Variants in PCSK5 observed in about 807,000 individuals in gnomAD.
The protein encoded by PCSK5 is prohormone convertase 5.
In PCSK5, 129 loss-of-function variants were observed where a neutral mutation model predicts 233.2. The ratio of observed to expected loss-of-function variants is 0.55; its 90% confidence interval spans 0.48 to 0.64. The LOEUF (loss-of-function observed/expected upper bound fraction) is 0.64, where lower values mean the gene tolerates loss of function less well. Ranked by LOEUF, PCSK5 falls within the 30% of genes least tolerant of loss-of-function variation. The probability of loss-of-function intolerance (pLI) is 0.00; values close to 1 mark genes in which losing one functional copy is unlikely to be tolerated. For missense variants in PCSK5, 2,076 were observed against 2,430.1 expected, an observed-to-expected ratio of 0.85 and a Z score of 3.06; for synonymous variants, 825 against 879.2, an observed-to-expected ratio of 0.94 and a Z score of 1.09.
intron 2 of PCSK5, among the ~76,000 whole-genome samples, chr9:75,980,911 A>G (rs1826248631): frequency 1.2e-5 from 1 of 85,594 alleles, no homozygotes; most frequent in Non-Finnish European, 2.7e-5. Flanking sequence ...TGTTATGTCC[A>G]TTACCACCTA....
chr9:76,096,081 G>A lies in PCSK5; in HGVS notation c.1086G>A (p.Gly362=), dbSNP rs900112144. The A allele has an allele frequency of 1.2e-6, 2 of 1,613,498 alleles. No homozygotes were observed. Among genetic ancestry groups the A allele is most frequent in the Admixed American group, 3.3e-5 (2 of 59,962 alleles). Residue 362 remains glycine (G), a synonymous_variant, in exon 8 of 38, where the codon GGG becomes GGA. Coordinates refer to ENST00000674117, the MANE Select transcript of PCSK5 (RefSeq NM_001372043.1). ...CGCTGGCCACAACCTACAGCAGCGG[G>A]GAGTCCTACGATAAGAAAATCGTAC... The part of the protein sequence containing the change: ...SSTLATTYSS[G]ESYDKKIITT...
chr9:76,059,824 A>C (rs959091341), intron 5 of PCSK5, among the ~76,000 whole-genome samples: 2 of 152,178 alleles, frequency 1.3e-5, no homozygotes, highest in Non-Finnish European at 2.9e-5. Flanking sequence ...GGATAAAAAA[A>C]CGTCAAATAG....
Position 76,294,250 on chromosome 9 carries a change from T to C in PCSK5, c.3186-1025T>C, listed in dbSNP as rs181659011. On this transcript the variant is annotated intron_variant, in intron 25 of 37. Transcript: ENST00000674117. The stretch of plus-strand genomic sequence containing the variant: ...AGATATGCAAAGGTTTCCCCTGATA[T>C]CATGCTGATGCTCTGAAATTCATCA... Among the ~76,000 whole-genome samples the C allele has an allele frequency of 6.3e-4, 96 of 151,312 alleles. 3 individuals carry two copies. In the East Asian group the frequency reaches 0.017, roughly 26 times the overall value.
chr9:76,243,295 A>T (rs543065156), intron 24 of PCSK5, among the ~76,000 whole-genome samples: 1 of 152,322 alleles, frequency 6.6e-6, no homozygotes, highest in East Asian at 1.9e-4. Context: ...GAGAATTTCA[A>T]AGGTGATATG....
At chr9:76,133,298 A>G (rs1246230661) in intron 9 of PCSK5, among the ~76,000 whole-genome samples, 2 of 152,066 alleles carry the variant, frequency 1.3e-5, no homozygotes, top group East Asian at 1.9e-4. Context: ...CGCTGAGTCA[A>G]ATGGCTTCGA....
Position 76,184,749 on chromosome 9 carries a change from T to C in PCSK5, c.2274T>C (p.Asp758=). The C allele has an allele frequency of 6.3e-7, 1 of 1,596,696 alleles. No individual in the cohort carries two copies. Among genetic ancestry groups the C allele is most frequent in the Non-Finnish European group, 8.6e-7 (1 of 1,165,076 alleles). The change falls in exon 17 of 38, where the codon GAT becomes GAC. Residue 758 remains aspartate (D), a synonymous_variant. Transcript: ENST00000674117. ...TEFHNCTECR[D]GLSLQGSRCS... is the part of the protein sequence containing the mutation. ...TCCATAACTGTACAGAATGTAGGGA[T>C]GGGTTAAGGTAAGAGAGTGAAGGAT...
intron 3 of PCSK5, among the ~76,000 whole-genome samples, 176 bp from the exon 4 acceptor site, chr9:76,023,562 G>A (rs773711718): frequency 6.6e-6 from 1 of 151,900 alleles, no homozygotes; most frequent in Non-Finnish European, 1.5e-5. Context: ...CTACTCAGGA[G>A]GCTGAGGGAG....
At position 76,173,490 on chromosome 9, in the gene PCSK5, C is replaced by T. The variant is rs549016313; in HGVS notation, c.1757-1496C>T. On this transcript the variant is annotated intron_variant, in intron 13 of 37. Transcript: ENST00000674117. ...TACTAACTTTAATGAAATGGAGGCA[C>T]GTTTCCTTTTTTTTTTTTTTTTTTT... Among the ~76,000 whole-genome samples the T allele has an allele frequency of 1.4e-3, 75 of 52,498 alleles. 1 individual carries two copies. The highest frequency in any genetic ancestry group is 3.5e-4 in the Non-Finnish European group (9 of 25,428). The allele number at this position is 52,498 out of a possible 152,430, so 34.4% of individuals were successfully genotyped here. A position where few individuals can be genotyped will look rare whatever the true frequency, so the allele number is the denominator to read the frequency against.
intron 30 of PCSK5, among the ~76,000 whole-genome samples, chr9:76,314,931 C>T (rs1313179860): frequency 3.4e-5 from 5 of 146,734 alleles, no homozygotes; most frequent in East Asian, 2.1e-4. Flanking sequence ...TGAGCCGCCA[C>T]GCTAGGCCAA....
chr9:76,051,105 T>C (rs1015634015), intron 5 of PCSK5, among the ~76,000 whole-genome samples: 6 of 152,216 alleles, frequency 3.9e-5, no homozygotes, highest in African/African-American at 1.4e-4. Context: ...TAAGACTTCA[T>C]CATTTATCTG....
intron 20 of PCSK5, among the ~76,000 whole-genome samples, chr9:76,203,807 A>C (rs1272819122): frequency 6.6e-6 from 1 of 152,180 alleles, no homozygotes; most frequent in Non-Finnish European, 1.5e-5. Context: ...CTTTTGCCAG[A>C]TCCCAAGTTG....
intron 10 of PCSK5, among the ~76,000 whole-genome samples, chr9:76,153,258 C>A (rs915818621): frequency 6.6e-6 from 1 of 152,220 alleles, no homozygotes; most frequent in Non-Finnish European, 1.5e-5. Flanking sequence ...ACTCCAGTAA[C>A]TCTGCTTCAA....
intron 30 of PCSK5, among the ~76,000 whole-genome samples, chr9:76,311,197 C>T (rs935332485): frequency 2.0e-5 from 3 of 151,926 alleles, no homozygotes; most frequent in Admixed American, 6.6e-5. Flanking sequence ...AGCAAGACTC[C>T]GTCTACAAAA....
intron 24 of PCSK5, among the ~76,000 whole-genome samples, chr9:76,248,378 C>T (rs765848048): frequency 2.9e-4 from 44 of 151,724 alleles, no homozygotes; most frequent in Non-Finnish European, 5.0e-4. Context: ...ATAATTCCAA[C>T]TCAATTAATA....
intron 12 of PCSK5, 122 bp from the exon 13 acceptor site, chr9:76,169,582 G>C: frequency 1.4e-6 from 1 of 731,878 alleles, no homozygotes; most frequent in Non-Finnish European, 2.3e-6. Context: ...CCAGGATGCA[G>C]ACCAGCTCTA....
Position 76,169,834 on chromosome 9 carries a change from A to T in PCSK5, c.1750A>T (p.Thr584Ser). 1 of 1,613,006 alleles carries T rather than the reference A, an allele frequency of 6.2e-7. No homozygotes were observed. Among genetic ancestry groups the T allele is most frequent in the Non-Finnish European group, 8.5e-7 (1 of 1,179,190 alleles). ...DTPSQLRNFK[T>S]PGKLKEWSLV... is the part of the protein sequence containing the mutation. Reference sequence around the variant, plus strand: ...TCCCTCTCAGCTAAGGAACTTTAAGACTCCAGGTGAGAACTCCCTTTCTAT... The same window carrying T: ...TCCCTCTCAGCTAAGGAACTTTAAGTCTCCAGGTGAGAACTCCCTTTCTAT... Residue 584 changes from threonine (T) to serine (S), a missense_variant, in exon 13 of 38, where the codon ACT becomes TCT. Coordinates refer to ENST00000674117, the MANE Select transcript of PCSK5 (RefSeq NM_001372043.1).
At chr9:76,274,126 T>C (rs1827618109) in intron 24 of PCSK5, among the ~76,000 whole-genome samples, 1 of 152,080 alleles carries the variant, frequency 6.6e-6, no homozygotes, top group Admixed American at 6.6e-5. Context: ...GTTTTTTAGC[T>C]TTTATTGCCT....
intron 9 of PCSK5, among the ~76,000 whole-genome samples, chr9:76,127,663 A>C (rs1171337923): frequency 6.6e-6 from 1 of 152,252 alleles, no homozygotes; most frequent in Non-Finnish European, 1.5e-5. Flanking sequence ...AGCCTAATTA[A>C]ATACAGATTC....
Position 76,354,090 on chromosome 9 carries a change from G to A in PCSK5, c.5125G>A (p.Gly1709Arg). ...HESCMECKGP[G>R]AKNCTLCPAN... is the part of the protein sequence containing the mutation. The stretch of plus-strand genomic sequence containing the variant: ...GAGCTGCATGGAATGCAAGGGACCA[G>A]GGGCCAAGAACTGCACCTTGTGCCC... The change falls in exon 37 of 38, where the codon GGG becomes AGG. Residue 1709 changes from glycine to arginine, a missense_variant. This residue lies in a region of PCSK5 where 1,510 missense variants were observed against 1,538.1 expected (regional missense o/e 0.98). Transcript: ENST00000674117. 1 of 1,609,150 alleles carries A rather than the reference G, an allele frequency of 6.2e-7. No individual in the cohort carries two copies. The highest frequency in any genetic ancestry group is 8.5e-7 in the Non-Finnish European group (1 of 1,178,344).
Sources: allele counts gnomAD v4.1 joint callset (sites outside exome capture counted in the v4.1 genomes callset), GRCh38; gene constraint gnomAD v4.1.1; regional missense constraint gnomAD v4.1.1; transcripts MANE v1.5; gene names NCBI Gene and HGNC (gene_info 2026-07-23, HGNC 2026-07-21).